The following TRPM3 variants were observed in gnomAD, a reference collection of about 807,000 sequenced individuals.
The protein encoded by TRPM3 is transient receptor potential cation channel subfamily M member 3, also known as long transient receptor potential channel 3.
A neutral mutation model predicts 181.2 loss-of-function variants in TRPM3; 77 were observed. That is an observed-to-expected ratio of 0.42 (90% confidence interval 0.35 to 0.51). The LOEUF is 0.51. Among genes scored for constraint, TRPM3 ranks in the 20% least tolerant of loss-of-function variants. TRPM3 has a pLI of 0.01. For synonymous variants in TRPM3, 745 were observed against 796.4 expected (o/e 0.94, Z 1.09); for missense variants, 1,759 against 2,196.7 (o/e 0.80, Z 3.98).
intron 1 of TRPM3, among the ~76,000 whole-genome samples, chr9:70,884,740 A>G (rs909408734): frequency 2.0e-5 from 3 of 152,200 alleles, no homozygotes; most frequent in African/African-American, 7.2e-5. Context: ...AAGTGATTAA[A>G]TATAAATTAT....
chr9:71,343,306 A>G (rs1183136040), intron 1 of TRPM3, among the ~76,000 whole-genome samples: 1 of 152,192 alleles, frequency 6.6e-6, no homozygotes, highest in African/African-American at 2.4e-5. Flanking sequence ...GACACTGAAA[A>G]AGAAAGAACT....
intron 1 of TRPM3, among the ~76,000 whole-genome samples, chr9:71,199,565 T>C (rs1351554608): frequency 6.6e-6 from 1 of 152,236 alleles, no homozygotes; most frequent in Non-Finnish European, 1.5e-5. Flanking sequence ...GTTATTGATC[T>C]ATTCAGAGAT....
At chr9:71,189,644 C>A (rs2077888464) in intron 1 of TRPM3, among the ~76,000 whole-genome samples, 1 of 151,744 alleles carries the variant, frequency 6.6e-6, no homozygotes, top group Non-Finnish European at 1.5e-5. Context: ...TCTAGAACTA[C>A]TGCATCCTCC....
At chr9:70,612,087 A>C (rs975912753) in intron 18 of TRPM3, among the ~76,000 whole-genome samples, 1 of 152,254 alleles carries the variant, frequency 6.6e-6, no homozygotes, top group Non-Finnish European at 1.5e-5. Context: ...AGCATCTGGC[A>C]CTTAGTAAGT....
intron 1 of TRPM3, among the ~76,000 whole-genome samples, chr9:71,281,555 G>A (rs946189442): frequency 5.3e-5 from 8 of 152,154 alleles, no homozygotes; most frequent in Admixed American, 5.2e-4. Flanking sequence ...TGGGAGTTTA[G>A]AGCCACGTCT....
chr9:70,692,619 A>G (rs1384710573), intron 8 of TRPM3, among the ~76,000 whole-genome samples: 1 of 152,220 alleles, frequency 6.6e-6, no homozygotes, highest in Non-Finnish European at 1.5e-5. Context: ...TTCGAGGCGG[A>G]GGAGCCATGC....
chr9:71,089,413 A>G (rs1038092004), intron 1 of TRPM3, among the ~76,000 whole-genome samples: 2 of 151,636 alleles, frequency 1.3e-5, no homozygotes, highest in Non-Finnish European at 2.9e-5. Context: ...AGTTAAGGAG[A>G]GAAAAAAGAC....
At chr9:71,304,152 G>C (rs1054488244) in intron 1 of TRPM3, among the ~76,000 whole-genome samples, 1 of 152,126 alleles carries the variant, frequency 6.6e-6, no homozygotes, top group African/African-American at 2.4e-5. Flanking sequence ...ATTGAACTTG[G>C]TGTACATAAA....
At chr9:71,367,946 T>C (rs1192843258) in intron 1 of TRPM3, among the ~76,000 whole-genome samples, 2 of 94,516 alleles carry the variant, frequency 2.1e-5, no homozygotes, top group Non-Finnish European at 5.7e-5. Context: ...TAAGCATTTG[T>C]GTGTGTGTGT....
chr9:70,599,175 T>G (rs2059476691), intron 20 of TRPM3, among the ~76,000 whole-genome samples: 1 of 152,170 alleles, frequency 6.6e-6, no homozygotes, highest in African/African-American at 2.4e-5. Context: ...ATCTTACAGA[T>G]TGCAGCAGCC....
intron 1 of TRPM3, among the ~76,000 whole-genome samples, chr9:71,007,903 T>C (rs1035277473): frequency 6.6e-6 from 1 of 151,702 alleles, no homozygotes; most frequent in Non-Finnish European, 1.5e-5. Flanking sequence ...CCAAAATTAG[T>C]AGAAGGAAAG....
intron 1 of TRPM3, among the ~76,000 whole-genome samples, chr9:70,949,906 G>C (rs1339876464): frequency 6.6e-6 from 1 of 152,162 alleles, no homozygotes; most frequent in African/African-American, 2.4e-5. Context: ...GGACAAGATA[G>C]GTCTGTATTT....
At chr9:71,257,007 T>C (rs1222093725) in intron 1 of TRPM3, among the ~76,000 whole-genome samples, 1 of 152,246 alleles carries the variant, frequency 6.6e-6, no homozygotes, top group Non-Finnish European at 1.5e-5. Flanking sequence ...CGAAGAACCC[T>C]AACATGGTTA....
At chr9:70,816,763 A>G (rs1488265794) in intron 6 of TRPM3, among the ~76,000 whole-genome samples, 1 of 152,264 alleles carries the variant, frequency 6.6e-6, no homozygotes, top group Admixed American at 6.5e-5. Context: ...GCATTAATGC[A>G]TGGTGCTGCA....
At chr9:71,417,853 A>C (rs1481352774) in intron 1 of TRPM3, among the ~76,000 whole-genome samples, 1 of 151,976 alleles carries the variant, frequency 6.6e-6, no homozygotes, top group South Asian at 2.1e-4. Context: ...TCTTAAAACA[A>C]ATGATTTGCC....
chr9:70,615,917 C>T lies in TRPM3; in HGVS notation c.2517G>A (p.Met839Ile). The T allele has an allele frequency of 6.2e-7, 1 of 1,602,744 alleles. No homozygotes were observed. Among genetic ancestry groups the T allele is most frequent in the Non-Finnish European group, 8.5e-7 (1 of 1,176,984 alleles). Reference protein sequence around the residue: ...KPTKEKEEEDMELTAMLGRNN... With the variant: ...KPTKEKEEEDIELTAMLGRNN... ...TGCAATGTTTTCTTACTGTGAGCTC[C>T]ATGTCCTCTTCCTCTTTTTCCTTTG... The change falls in exon 18 of 26, where the codon ATG (methionine) becomes ATA (isoleucine). Residue 839 changes from methionine (M) to isoleucine (I), a missense_variant. Met to Ile is a conservative substitution (Grantham distance 10). Coordinates refer to ENST00000677713, the MANE Select transcript of TRPM3 (RefSeq NM_001366145.2).
chr9:71,208,499 T>C (rs2079268597), intron 1 of TRPM3, among the ~76,000 whole-genome samples: 1 of 152,120 alleles, frequency 6.6e-6, no homozygotes, highest in African/African-American at 2.4e-5. Flanking sequence ...GTTGGTATTC[T>C]TAAGAATAAA....
chr9:70,979,040 G>A (rs1490545319), intron 1 of TRPM3, among the ~76,000 whole-genome samples: 4 of 152,190 alleles, frequency 2.6e-5, no homozygotes, highest in African/African-American at 9.7e-5. Flanking sequence ...CACTTTTCTA[G>A]GGCAGGAACT....
intron 1 of TRPM3, among the ~76,000 whole-genome samples, chr9:70,957,878 G>T (rs1416165145): frequency 6.6e-6 from 1 of 152,134 alleles, no homozygotes; most frequent in Non-Finnish European, 1.5e-5. Context: ...GTAAAAGGAT[G>T]TTATGTAAAA....
Sources: gnomAD v4.1 joint callset for allele counts (sites outside exome capture counted in the v4.1 genomes callset) on GRCh38, gnomAD v4.1.1 for gene constraint, MANE v1.5 for transcripts, NCBI Gene and HGNC (gene_info 2026-07-23, HGNC 2026-07-21) for gene names.